UBASH3B: variants seen among roughly 807,000 people sequenced by gnomAD.
UBASH3B encodes the protein ubiquitin-associated and SH3 domain-containing protein B.
A neutral mutation model predicts 83.4 loss-of-function variants in UBASH3B; 37 were observed. The observed-to-expected ratio is 0.44, with a 90% CI of 0.34 to 0.58. The LOEUF (loss-of-function observed/expected upper bound fraction) is 0.58, where lower values mean the gene tolerates loss of function less well. UBASH3B is among the 20% of genes least tolerant of loss of function. The pLI, the probability that UBASH3B is intolerant of heterozygous loss-of-function variation, is 0.01. For missense variants in UBASH3B, 657 were observed against 827.2 expected (o/e 0.79, Z 2.52); for synonymous variants, 304 against 318.3 (o/e 0.96, Z 0.48).
At chr11:122,660,622 G>A (rs1335961722) in intron 1 of UBASH3B, among the ~76,000 whole-genome samples, 1 of 152,222 alleles carries the variant, frequency 6.6e-6, no homozygotes, top group African/African-American at 2.4e-5. Context: ...TCCCCCTGCT[G>A]ACCTCTGGTT....
chr11:122,751,055 C>T (rs559470146), intron 1 of UBASH3B, among the ~76,000 whole-genome samples: 3 of 152,260 alleles, frequency 2.0e-5, no homozygotes, highest in East Asian at 1.9e-4. Context: ...TGCAGGTAGG[C>T]GGAAAGAACC....
intron 1 of UBASH3B, among the ~76,000 whole-genome samples, chr11:122,663,622 G>A (rs1863476403): frequency 6.8e-6 from 1 of 147,938 alleles, no homozygotes; most frequent in Admixed American, 6.6e-5. Flanking sequence ...ATGATGATGT[G>A]GTGGTACTAT....
chr11:122,811,537 C>G lies in UBASH3B; in HGVS notation c.*1651C>G, dbSNP rs1861448521. The stretch of plus-strand genomic sequence containing the variant: ...ACAGGGTCTCACTATAATGCTTAGA[C>G]TGGTCTTGAACTCCTGGGCTCAAGC... On this transcript the variant is annotated 3_prime_UTR_variant, in exon 14 of 14. Transcript: ENST00000284273. 1 of 152,172 alleles carries G rather than the reference C, an allele frequency of 6.6e-6. No homozygotes were observed. Among genetic ancestry groups the G allele is most frequent in the Non-Finnish European group, 1.5e-5 (1 of 68,074 alleles). 9.4% of individuals were successfully genotyped at this position (152,172 alleles called of 1,614,324 possible).
intron 1 of UBASH3B, among the ~76,000 whole-genome samples, chr11:122,763,589 T>C (rs535626915): frequency 2.1e-4 from 32 of 152,298 alleles, no homozygotes; most frequent in South Asian, 8.3e-4. Context: ...AGAGCCTTTT[T>C]CTCCCCATTG....
intron 11 of UBASH3B, 38 bp downstream of exon 11, chr11:122,801,370 G>T: frequency 6.2e-7 from 1 of 1,607,286 alleles, no homozygotes; most frequent in Non-Finnish European, 8.5e-7. Context: ...AGGCCAGTGT[G>T]GAAGTGCTTT....
intron 1 of UBASH3B, among the ~76,000 whole-genome samples, chr11:122,670,983 G>A (rs991381038): frequency 6.6e-6 from 1 of 151,996 alleles, no homozygotes; most frequent in South Asian, 2.1e-4. Context: ...GGCTGGTCTC[G>A]AACTCCTGAC....
chr11:122,781,910 T>C (rs1860862657), intron 4 of UBASH3B, among the ~76,000 whole-genome samples: 1 of 152,182 alleles, frequency 6.6e-6, no homozygotes. Context: ...GGCAATGCAG[T>C]ATAAAAGAAA....
At chr11:122,808,286 A>G in intron 13 of UBASH3B, 110 bp downstream of exon 13, 1 of 879,832 alleles carries the variant, frequency 1.1e-6, no homozygotes, top group Non-Finnish European at 1.9e-6. Context: ...TGAGCTGGGA[A>G]TATTCATTTA....
chr11:122,721,244 CAAAAA>C (rs34298191), intron 1 of UBASH3B, among the ~76,000 whole-genome samples: 5 of 73,154 alleles, frequency 6.8e-5, no homozygotes, highest in Admixed American at 1.8e-4. Flanking sequence ...GACTGTGTCT[CAAAAA>C]AAAAAAAAAA....
At chr11:122,729,795 C>CAAAAAAAA (rs71054092) in intron 1 of UBASH3B, among the ~76,000 whole-genome samples, 11 of 40,894 alleles carry the variant, frequency 2.7e-4, no homozygotes, top group African/African-American at 7.3e-4. Flanking sequence ...CCTATCTCTA[C>CAAAAAAAA]AAAAAAAAAA....
At chr11:122,727,787 G>T (rs1298321783) in intron 1 of UBASH3B, among the ~76,000 whole-genome samples, 2 of 152,204 alleles carry the variant, frequency 1.3e-5, no homozygotes, top group African/African-American at 4.8e-5. Flanking sequence ...GTTCTGGGCT[G>T]TGATTCAAAG....
At chr11:122,693,396 A>C (rs1863922264) in intron 1 of UBASH3B, among the ~76,000 whole-genome samples, 1 of 152,200 alleles carries the variant, frequency 6.6e-6, no homozygotes. Flanking sequence ...TCTATTCTCC[A>C]CCCAGAGTGG....
rs78506672 is a variant in UBASH3B, at chr11:122,768,263, G to A, written c.162-7956G>A. On this transcript the variant is annotated intron_variant, in intron 1 of 13. Coordinates refer to ENST00000284273, the MANE Select transcript of UBASH3B (RefSeq NM_032873.5). ...TCCATTTGGTGACTAGATACAGACAGTGTCCTTCCCACCACCACGGCCAAT... is the reference window on the plus strand; with the variant it reads ...TCCATTTGGTGACTAGATACAGACAATGTCCTTCCCACCACCACGGCCAAT... Among the ~76,000 whole-genome samples, 693 of 152,248 alleles carry A rather than the reference G, an allele frequency of 4.6e-3. 5 individuals are homozygous for A. The highest frequency in any genetic ancestry group is 0.015 in the African/African-American group (642 of 41,536).
intron 1 of UBASH3B, among the ~76,000 whole-genome samples, chr11:122,705,863 T>C (rs978615776): frequency 6.6e-6 from 1 of 152,150 alleles, no homozygotes; most frequent in African/African-American, 2.4e-5. Flanking sequence ...TTGCTCTGAC[T>C]AAATCAATCC....
In UBASH3B at chr11:122,814,366, C is replaced by T. The variant is rs1164520981; in HGVS notation, c.*4480C>T. The T allele has an allele frequency of 6.6e-6, 1 of 152,574 alleles. No homozygotes were observed. Among genetic ancestry groups the T allele is most frequent in the Non-Finnish European group, 1.5e-5 (1 of 68,024 alleles). The allele number at this position is 152,574 out of a possible 1,614,324, so 9.5% of individuals were successfully genotyped here. On this transcript the variant is annotated 3_prime_UTR_variant, in exon 14 of 14. Transcript: ENST00000284273. ...TTGTGCTTTCCTGGCTGAGAGCTCT[C>T]CCCTGTTGATACAGCTATGGCACCA... is the stretch of plus-strand genomic sequence containing the variant.
intron 2 of UBASH3B, among the ~76,000 whole-genome samples, chr11:122,776,485 T>A (rs1380459545): frequency 6.6e-6 from 1 of 152,144 alleles, no homozygotes; most frequent in East Asian, 1.9e-4. Flanking sequence ...AAATTCTAAG[T>A]AATTCCCAGA....
intron 1 of UBASH3B, among the ~76,000 whole-genome samples, chr11:122,711,495 G>T (rs1219971403): frequency 6.6e-6 from 1 of 152,256 alleles, no homozygotes; most frequent in Non-Finnish European, 1.5e-5. Context: ...TGATAAGCAG[G>T]CCTGAACGGA....
intron 1 of UBASH3B, among the ~76,000 whole-genome samples, chr11:122,690,197 TA>T (rs1380509235): frequency 0.032 from 823 of 25,610 alleles, 17 homozygotes; most frequent in East Asian, 0.14. Flanking sequence ...TATATATATA[TA>T]TATATATATA....
At chr11:122,703,048 C>G (rs1864064423) in intron 1 of UBASH3B, among the ~76,000 whole-genome samples, 2 of 152,186 alleles carry the variant, frequency 1.3e-5, no homozygotes, top group African/African-American at 4.8e-5. Context: ...CCTCTTTCCT[C>G]TTTCCCCCAA....
Sources: gnomAD v4.1 joint callset for allele counts (sites outside exome capture counted in the v4.1 genomes callset) on GRCh38, gnomAD v4.1.1 for gene constraint, MANE v1.5 for transcripts, NCBI Gene and HGNC (gene_info 2026-07-23, HGNC 2026-07-21) for gene names.